Variants in NRXN1 observed in about 807,000 individuals in gnomAD.
NRXN1 encodes the protein neurexin 1.
Under a neutral mutation model 150.9 loss-of-function variants are expected in NRXN1, and 39 were observed. The ratio of observed to expected loss-of-function variants is 0.26; its 90% CI spans 0.20 to 0.34. The LOEUF is 0.34. Among genes scored for constraint, NRXN1 ranks in the 10% least tolerant of loss-of-function variants. The probability of loss-of-function intolerance (pLI) is 1.00; values close to 1 mark genes in which losing one functional copy is unlikely to be tolerated. For synonymous variants in NRXN1, 924 were observed against 757.0 expected, an observed-to-expected ratio of 1.22 and a Z score of -3.62; for missense variants, 1,815 against 1,949.9, an observed-to-expected ratio of 0.93 and a Z score of 1.30.
intron 21 of NRXN1, among the ~76,000 whole-genome samples, chr2:49,965,947 C>T (rs948847263): frequency 3.3e-5 from 5 of 152,180 alleles, no homozygotes; most frequent in African/African-American, 4.8e-5. Context: ...GTACAGCATT[C>T]ACATACGCAA....
At chr2:50,027,449 C>T (rs1688529883) in intron 21 of NRXN1, among the ~76,000 whole-genome samples, 1 of 148,284 alleles carries the variant, frequency 6.7e-6, no homozygotes, top group African/African-American at 2.5e-5. Context: ...TTTGCTCCTT[C>T]TCTCCTTTTT....
At chr2:50,448,760 G>C (rs1298928705) in intron 17 of NRXN1, among the ~76,000 whole-genome samples, 10 of 152,044 alleles carry the variant, frequency 6.6e-5, no homozygotes, top group Non-Finnish European at 1.5e-4. Flanking sequence ...TTTGTGCTTT[G>C]GCAGCCGACA....
rs1680247110 is a variant in NRXN1, at chr2:50,622,676, T to TA, written c.1134+637dup. Among the ~76,000 whole-genome samples, 5 of 152,122 alleles carry TA rather than the reference T, an allele frequency of 3.3e-5. No homozygotes were observed. The South Asian group carries it at 1.0e-3, about 31-fold the overall frequency. On this transcript the variant is annotated intron_variant, in intron 6 of 22. Transcript: ENST00000401669. ...ATATAGCATCTTGAAAAAGTTTTTTTAAAAAAATACAATTAAATAGAAATG... is the reference window on the plus strand; with the variant it reads ...ATATAGCATCTTGAAAAAGTTTTTTTAAAAAAAATACAATTAAATAGAAATG...
At chr2:50,235,629 T>C (rs931615943) in intron 18 of NRXN1, among the ~76,000 whole-genome samples, 2 of 152,108 alleles carry the variant, frequency 1.3e-5, no homozygotes, top group Admixed American at 6.6e-5. Context: ...TTCTTAATTA[T>C]TTTAGAACTG....
At chr2:50,193,083 T>C (rs781451938) in intron 18 of NRXN1, among the ~76,000 whole-genome samples, 45 of 152,198 alleles carry the variant, frequency 3.0e-4, no homozygotes, top group Non-Finnish European at 6.2e-4. Context: ...ACAGGGTCAA[T>C]ATTCTTGCAC....
chr2:50,176,273 A>C (rs1256384400), intron 18 of NRXN1, among the ~76,000 whole-genome samples: 1 of 152,188 alleles, frequency 6.6e-6, no homozygotes, highest in Non-Finnish European at 1.5e-5. Flanking sequence ...TGGTCTAGAA[A>C]GTTAAAAAAT....
At chr2:50,909,473 G>C (rs546301513) in intron 5 of NRXN1, among the ~76,000 whole-genome samples, 6 of 151,924 alleles carry the variant, frequency 3.9e-5, no homozygotes, top group Non-Finnish European at 8.8e-5. Flanking sequence ...TGATTTTTCT[G>C]ATTGTGGTAG....
chr2:50,711,917 C>T (rs952143452), intron 5 of NRXN1, among the ~76,000 whole-genome samples: 1 of 152,100 alleles, frequency 6.6e-6, no homozygotes, highest in Non-Finnish European at 1.5e-5. Flanking sequence ...TCACCAGACA[C>T]CAGACGCCGG....
At chr2:50,405,531 T>C (rs2082696981) in intron 17 of NRXN1, among the ~76,000 whole-genome samples, 2 of 152,142 alleles carry the variant, frequency 1.3e-5, no homozygotes, top group African/African-American at 4.8e-5. Flanking sequence ...CTTTCTATTG[T>C]GTCACAGTAA....
intron 17 of NRXN1, among the ~76,000 whole-genome samples, chr2:50,430,364 T>C (rs533020426): frequency 6.6e-6 from 1 of 152,310 alleles, no homozygotes; most frequent in South Asian, 2.1e-4. Context: ...TTGTGCAGTA[T>C]ACCAACACTA....
At chr2:50,341,622 A>C (rs2077554411) in intron 17 of NRXN1, among the ~76,000 whole-genome samples, 1 of 152,252 alleles carries the variant, frequency 6.6e-6, no homozygotes, top group Non-Finnish European at 1.5e-5. Context: ...GTCTGCATTA[A>C]TTATTCATTA....
At chr2:50,973,094 T>A (rs945523461) in intron 2 of NRXN1, among the ~76,000 whole-genome samples, 10 of 152,110 alleles carry the variant, frequency 6.6e-5, no homozygotes, top group South Asian at 6.2e-4. Flanking sequence ...ATAACTATGA[T>A]CTCCTATTCA....
intron 18 of NRXN1, among the ~76,000 whole-genome samples, chr2:50,115,749 T>G (rs1702975994): frequency 6.6e-6 from 1 of 152,070 alleles, no homozygotes; most frequent in Admixed American, 6.6e-5. Context: ...TATGACAGTT[T>G]TATGATTCAC....
At chr2:50,122,113 C>T (rs1287297536) in intron 18 of NRXN1, among the ~76,000 whole-genome samples, 1 of 152,200 alleles carries the variant, frequency 6.6e-6, no homozygotes, top group Non-Finnish European at 1.5e-5. Flanking sequence ...AGCTGCAGTA[C>T]AGCAGATACA....
At chr2:50,257,228 T>C (rs1057245439) in intron 17 of NRXN1, among the ~76,000 whole-genome samples, 4 of 152,074 alleles carry the variant, frequency 2.6e-5, no homozygotes, top group African/African-American at 9.7e-5. Flanking sequence ...CTACCGATAA[T>C]CTATTACCTT....
chr2:49,964,703 T>G (rs1676639233), intron 21 of NRXN1, among the ~76,000 whole-genome samples: 1 of 151,852 alleles, frequency 6.6e-6, no homozygotes, highest in Non-Finnish European at 1.5e-5. Flanking sequence ...TAGCTGGACA[T>G]GGTGGCGGGC....
intron 5 of NRXN1, among the ~76,000 whole-genome samples, chr2:50,727,188 A>G (rs899954121): frequency 6.6e-6 from 1 of 152,174 alleles, no homozygotes; most frequent in Non-Finnish European, 1.5e-5. Flanking sequence ...ACTTAAAGAG[A>G]TATAATTCCT....
intron 22 of NRXN1, among the ~76,000 whole-genome samples, chr2:49,922,998 T>C (rs1325076834): frequency 6.6e-6 from 1 of 152,138 alleles, no homozygotes; most frequent in African/African-American, 2.4e-5. Context: ...AACTACCTAA[T>C]AGATTAGATA....
intron 5 of NRXN1, among the ~76,000 whole-genome samples, chr2:50,850,186 G>A (rs1674306053): frequency 6.7e-6 from 1 of 149,430 alleles, no homozygotes; most frequent in African/African-American, 2.5e-5. Flanking sequence ...TGTGATTACT[G>A]CACTGCACTC....
Sources: allele counts gnomAD v4.1 joint callset (sites outside exome capture counted in the v4.1 genomes callset), GRCh38; gene constraint gnomAD v4.1.1; transcripts MANE v1.5; gene names NCBI Gene and HGNC (gene_info 2026-07-23, HGNC 2026-07-21).